ANK3: variants seen among roughly 807,000 people sequenced by gnomAD.
The protein encoded by ANK3 is ankyrin-3.
Under a neutral mutation model 370.9 loss-of-function variants are expected in ANK3, and 57 were observed. That is an observed-to-expected ratio of 0.15 (90% CI 0.12 to 0.19). The LOEUF is 0.19. Ranked by LOEUF, ANK3 falls within the 10% of genes least tolerant of loss-of-function variation. The pLI is 1.00. For synonymous variants in ANK3, 1,929 were observed against 1,946.3 expected, an observed-to-expected ratio of 0.99 and a Z score of 0.23; for missense variants, 4,439 against 5,302.1, an observed-to-expected ratio of 0.84 and a Z score of 5.06.
intron 2 of ANK3, among the ~76,000 whole-genome samples, chr10:60,599,270 A>C (rs997959726): frequency 1.3e-5 from 2 of 152,118 alleles, no homozygotes; most frequent in African/African-American, 4.8e-5. Context: ...GATGGTAAAA[A>C]TTAAGAGCCC....
At chr10:60,357,297 G>T (rs2057912484) in intron 1 of ANK3, among the ~76,000 whole-genome samples, 1 of 152,146 alleles carries the variant, frequency 6.6e-6, no homozygotes, top group African/African-American at 2.4e-5. Context: ...AGTAACTATT[G>T]TGGGTATTTC....
At chr10:60,250,387 T>C (rs1227710447) in intron 7 of ANK3, among the ~76,000 whole-genome samples, 6 of 152,178 alleles carry the variant, frequency 3.9e-5, no homozygotes, top group Non-Finnish European at 5.9e-5. Flanking sequence ...TTTTTTGAGA[T>C]GGAGTCTCGC....
intron 40 of ANK3, chr10:60,059,865 C>CCAT: frequency 6.2e-7 from 1 of 1,614,212 alleles, no homozygotes; most frequent in Non-Finnish European, 8.5e-7. Context: ...AGGCACTAGC[C>CCAT]CATCACTCAG....
intron 1 of ANK3, among the ~76,000 whole-genome samples, chr10:60,297,600 A>T (rs1239631333): frequency 6.6e-6 from 1 of 152,156 alleles, no homozygotes; most frequent in East Asian, 1.9e-4. Context: ...AGAATTGGCA[A>T]ACGTATTTAC....
intron 2 of ANK3, among the ~76,000 whole-genome samples, chr10:60,458,683 C>T (rs893025565): frequency 6.6e-6 from 1 of 152,058 alleles, no homozygotes; most frequent in Non-Finnish European, 1.5e-5. Context: ...AAACAATAAG[C>T]TCAAGTAAAA....
intron 16 of ANK3, among the ~76,000 whole-genome samples, chr10:60,193,336 G>C (rs1380878282): frequency 6.6e-6 from 1 of 152,178 alleles, no homozygotes; most frequent in African/African-American, 2.4e-5. Flanking sequence ...AATCAACTAG[G>C]AATGTACCAA....
intron 2 of ANK3, among the ~76,000 whole-genome samples, chr10:60,433,613 G>A (rs1369096838): frequency 6.6e-6 from 1 of 152,004 alleles, no homozygotes; most frequent in Admixed American, 6.6e-5. Context: ...CAAAAAGAAC[G>A]AAAGAAAAAG....
intron 40 of ANK3, 143 bp from the exon 41 acceptor site, chr10:60,059,573 C>T: frequency 8.0e-7 from 1 of 1,247,954 alleles, no homozygotes; most frequent in Non-Finnish European, 1.1e-6. Context: ...CTTCCATCAT[C>T]TCCTCATCAG....
intron 2 of ANK3, among the ~76,000 whole-genome samples, chr10:60,547,542 G>C (rs2076994133): frequency 6.6e-6 from 1 of 151,922 alleles, no homozygotes; most frequent in Admixed American, 6.6e-5. Context: ...CTGGGATACA[G>C]GTATGCGCCA....
chr10:60,273,364 T>C (rs1023042230), intron 4 of ANK3, among the ~76,000 whole-genome samples: 4 of 152,224 alleles, frequency 2.6e-5, no homozygotes, highest in Admixed American at 2.0e-4. Flanking sequence ...TTGCATATCA[T>C]AAAGCTCACC....
intron 27 of ANK3, 44 bp downstream of exon 27, chr10:60,108,786 G>A (rs1227734157): frequency 1.3e-6 from 2 of 1,524,238 alleles, no homozygotes; most frequent in East Asian, 2.3e-5. Flanking sequence ...GAAAATCAAA[G>A]ATGCATTGTG....
chr10:60,584,068 C>A (rs1378422452), intron 2 of ANK3, among the ~76,000 whole-genome samples: 3 of 152,102 alleles, frequency 2.0e-5, no homozygotes, highest in Admixed American at 6.5e-5. Context: ...TTATCTTAAA[C>A]CTTCCCTTTC....
chr10:60,486,713 C>T (rs935805484), intron 2 of ANK3, among the ~76,000 whole-genome samples: 19 of 152,114 alleles, frequency 1.2e-4, no homozygotes, highest in African/African-American at 3.6e-4. Flanking sequence ...TTAAGACATT[C>T]CAAGCCATGG....
At chr10:60,384,390 C>T (rs1160202561) in intron 1 of ANK3, among the ~76,000 whole-genome samples, 1 of 152,176 alleles carries the variant, frequency 6.6e-6, no homozygotes, top group Non-Finnish European at 1.5e-5. Context: ...TAAAGCCTGT[C>T]GTTTAAAGTT....
chr10:60,142,281 C>T (rs2094602826), intron 23 of ANK3, among the ~76,000 whole-genome samples: 1 of 152,090 alleles, frequency 6.6e-6, no homozygotes, highest in Non-Finnish European at 1.5e-5. Context: ...GAAACTTTAT[C>T]GTTTTTTCCT....
chr10:60,345,747 A>G (rs2055314375), intron 1 of ANK3, among the ~76,000 whole-genome samples: 1 of 152,142 alleles, frequency 6.6e-6, no homozygotes, highest in South Asian at 2.1e-4. Flanking sequence ...TTCATTAAAA[A>G]TCACGAGTCT....
chr10:60,113,017 A>C (rs1035425589), intron 26 of ANK3, among the ~76,000 whole-genome samples: 1 of 152,166 alleles, frequency 6.6e-6, no homozygotes, highest in African/African-American at 2.4e-5. Context: ...CCCAAATTTG[A>C]ATTACCCAAA....
intron 1 of ANK3, among the ~76,000 whole-genome samples, chr10:60,333,513 T>C (rs2051951059): frequency 6.6e-6 from 1 of 152,204 alleles, no homozygotes. Context: ...TTTTCCAGGG[T>C]GTATATGTGG....
chr10:60,498,877 T>C (rs920159082), intron 2 of ANK3, among the ~76,000 whole-genome samples: 2 of 152,262 alleles, frequency 1.3e-5, no homozygotes, highest in African/African-American at 4.8e-5. Flanking sequence ...AATATACCTA[T>C]GTTAAGGATA....
Sources: allele counts gnomAD v4.1 joint callset (sites outside exome capture counted in the v4.1 genomes callset), GRCh38; gene constraint gnomAD v4.1.1; transcripts MANE v1.5; gene names NCBI Gene and HGNC (gene_info 2026-07-23, HGNC 2026-07-21).